ATF2: variants seen among roughly 807,000 people sequenced by gnomAD.
The protein encoded by ATF2 is activating transcription factor 2.
ATF2 carries 24 observed loss-of-function variants against 60.6 expected under a neutral mutation model. The observed-to-expected ratio is 0.40, with a 90% CI of 0.29 to 0.56. ATF2 has a LOEUF of 0.56. Among genes scored for constraint, ATF2 ranks in the 20% least tolerant of loss-of-function variants. The pLI is 0.54. For missense variants in ATF2, 433 were observed against 607.7 expected (o/e 0.71, Z 3.02); for synonymous variants, 206 against 215.4 (o/e 0.96, Z 0.38).
intron 2 of ATF2, among the ~76,000 whole-genome samples, chr2:175,143,682 T>C (rs953255964): frequency 8.5e-5 from 13 of 152,318 alleles, no homozygotes; most frequent in Non-Finnish European, 1.8e-4. Flanking sequence ...TTTGTCATAT[T>C]AGTAAAAAAA....
At position 175,073,303 on chromosome 2, in the gene ATF2, C is replaced by G. The variant is rs1049434852; in HGVS notation, c.*1306G>C. On this transcript the variant is annotated 3_prime_UTR_variant, in exon 14 of 14. Transcript: ENST00000264110. Reference sequence around the variant, plus strand: ...TTGGATAATGAGAAAAATGTACCTACAATCATCTCATCAGAAACAAGCTAC... The same window carrying G: ...TTGGATAATGAGAAAAATGTACCTAGAATCATCTCATCAGAAACAAGCTAC... 6.6e-6 allele frequency: 1 copy of G among 151,978 alleles called. No individual in the cohort carries two copies. Among genetic ancestry groups the G allele is most frequent in the African/African-American group, 2.4e-5 (1 of 41,372 alleles). 9.4% of individuals were successfully genotyped at this position (151,978 alleles called of 1,614,324 possible). A position where few individuals can be genotyped will look rare whatever the true frequency, so the allele number is the denominator to read the frequency against.
intron 4 of ATF2, among the ~76,000 whole-genome samples, chr2:175,125,264 G>A (rs1697252918): frequency 6.6e-6 from 1 of 151,994 alleles, no homozygotes; most frequent in African/African-American, 2.4e-5. Flanking sequence ...TTCTTACTAA[G>A]TAGTTCCTAG....
At chr2:175,124,505 C>T (rs1697187284) in intron 4 of ATF2, among the ~76,000 whole-genome samples, 1 of 151,948 alleles carries the variant, frequency 6.6e-6, no homozygotes, top group Non-Finnish European at 1.5e-5. Flanking sequence ...AATACATACA[C>T]TCATATCCAT....
At chr2:175,081,498 C>T (rs1693753405) in intron 12 of ATF2, among the ~76,000 whole-genome samples, 1 of 151,952 alleles carries the variant, frequency 6.6e-6, no homozygotes, top group African/African-American at 2.4e-5. Context: ...TTTGAGTCAC[C>T]CCGAATATTA....
intron 1 of ATF2, among the ~76,000 whole-genome samples, chr2:175,156,920 C>T (rs1052846451): frequency 1.3e-5 from 2 of 152,082 alleles, no homozygotes; most frequent in Non-Finnish European, 2.9e-5. Context: ...TGTAAGGTAC[C>T]AGGAAGATGG....
chr2:175,147,453 G>T (rs1181420469), intron 2 of ATF2, among the ~76,000 whole-genome samples: 2 of 152,220 alleles, frequency 1.3e-5, no homozygotes, highest in South Asian at 2.1e-4. Context: ...CTATTTAGTT[G>T]GTTATAGAAC....
At chr2:175,167,828 T>C in intron 1 of ATF2, 1 of 425,888 alleles carries the variant, frequency 2.3e-6, no homozygotes, top group South Asian at 1.7e-5. Context: ...TACCTAACGG[T>C]CCGGCCCAGC....
intron 10 of ATF2, among the ~76,000 whole-genome samples, chr2:175,104,239 C>T (rs1346939672): frequency 6.6e-6 from 1 of 152,088 alleles, no homozygotes; most frequent in Non-Finnish European, 1.5e-5. Context: ...TTCCATGTTC[C>T]AATCCCATTA....
intron 4 of ATF2, among the ~76,000 whole-genome samples, chr2:175,125,479 A>G (rs1221761033): frequency 6.6e-6 from 1 of 152,118 alleles, no homozygotes; most frequent in Non-Finnish European, 1.5e-5. Context: ...ATTAGTGAGA[A>G]TTCAATTATG....
chr2:175,095,084 ATCC>A (rs1311384037), intron 11 of ATF2, among the ~76,000 whole-genome samples: 2 of 150,802 alleles, frequency 1.3e-5, no homozygotes, highest in African/African-American at 4.9e-5. Flanking sequence ...TTTTTTCTTC[ATCC>A]TCCTATTTTT....
chr2:175,142,478 T>C (rs141917576), intron 2 of ATF2, among the ~76,000 whole-genome samples: 119 of 152,270 alleles, frequency 7.8e-4, no homozygotes, highest in African/African-American at 2.9e-3. Flanking sequence ...TCTTTCCAGT[T>C]TTCTAAGATA....
chr2:175,137,537 G>T (rs998858827), intron 2 of ATF2, among the ~76,000 whole-genome samples: 3 of 152,102 alleles, frequency 2.0e-5, no homozygotes, highest in Non-Finnish European at 4.4e-5. Context: ...CAAAGATGAA[G>T]AAAACTCTCC....
Position 175,074,496 on chromosome 2 carries a change from A to C in ATF2, c.*113T>G. On this transcript the variant is annotated 3_prime_UTR_variant, in exon 14 of 14. Coordinates refer to ENST00000264110, the MANE Select transcript of ATF2 (RefSeq NM_001880.4). ...TTTAGAGCCAAATTTAATTTCAAGT[A>C]AAAAAAAAAAATTTACAACCACAGA... The C allele has an allele frequency of 2.3e-6, 1 of 434,724 alleles. No individual in the cohort carries two copies. Among genetic ancestry groups the C allele is most frequent in the Non-Finnish European group, 3.3e-6 (1 of 302,460 alleles). The allele number at this position is 434,724 out of a possible 1,614,324, so 26.9% of individuals were successfully genotyped here.
chr2:175,080,391 AC>A (rs1284160614), intron 13 of ATF2: 5 of 230,216 alleles, frequency 2.2e-5, no homozygotes, highest in Non-Finnish European at 4.2e-5. Flanking sequence ...ATCATCAAGT[AC>A]TTACAGTATA....
chr2:175,144,352 C>A (rs1698803554), intron 2 of ATF2, among the ~76,000 whole-genome samples: 1 of 152,090 alleles, frequency 6.6e-6, no homozygotes, highest in African/African-American at 2.4e-5. Flanking sequence ...TTATGTAAAC[C>A]ACTTTTAATA....
At chr2:175,080,995 C>T (rs1361469206) in intron 12 of ATF2, among the ~76,000 whole-genome samples, 1 of 152,086 alleles carries the variant, frequency 6.6e-6, no homozygotes, top group Admixed American at 6.6e-5. Context: ...AGCTGGATAG[C>T]ATATTTCAAA....
chr2:175,152,849 C>T (rs1699402715), intron 1 of ATF2, among the ~76,000 whole-genome samples: 1 of 152,142 alleles, frequency 6.6e-6, no homozygotes, highest in African/African-American at 2.4e-5. Context: ...AGCAGCAATT[C>T]AAAGGACAAA....
intron 3 of ATF2, among the ~76,000 whole-genome samples, chr2:175,133,213 T>C (rs1389029783): frequency 6.6e-6 from 1 of 152,182 alleles, no homozygotes; most frequent in Non-Finnish European, 1.5e-5. Flanking sequence ...GAATTGTAAT[T>C]AAGCTAGAGG....
chr2:175,074,919 A>T (rs1559040691), intron 13 of ATF2, 84 bp from the exon 14 acceptor site: 2 of 1,561,360 alleles, frequency 1.3e-6, no homozygotes, highest in South Asian at 1.2e-5. Flanking sequence ...CAGAGTAAAA[A>T]GTTAGAAAGT....
Sources: allele counts gnomAD v4.1 joint callset (sites outside exome capture counted in the v4.1 genomes callset), GRCh38; gene constraint gnomAD v4.1.1; transcripts MANE v1.5; gene names NCBI Gene and HGNC (gene_info 2026-07-23, HGNC 2026-07-21).